TRIT1: variants seen among roughly 807,000 people sequenced by gnomAD.
The protein encoded by TRIT1 is tRNA isopentenyltransferase 1, also known as tRNA dimethylallyltransferase.
In TRIT1, 43 loss-of-function variants were observed where a neutral mutation model predicts 51.2. The observed-to-expected ratio is 0.84, with a 90% CI of 0.66 to 1.08. TRIT1 has a LOEUF of 1.08. Ranked by LOEUF, TRIT1 falls within the 50% of genes least tolerant of loss-of-function variation. TRIT1 has a pLI of 0.00. For missense variants in TRIT1, 528 were observed against 578.4 expected (o/e 0.91, Z 0.89); for synonymous variants, 184 against 203.9 (o/e 0.90, Z 0.83).
intron 1 of TRIT1, among the ~76,000 whole-genome samples, chr1:39,865,154 A>G (rs1643465496): frequency 1.3e-5 from 2 of 152,220 alleles, no homozygotes; most frequent in Non-Finnish European, 2.9e-5. Flanking sequence ...AGTAATGGAA[A>G]AAGCAACAAT....
At chr1:39,845,891 A>C (rs943566020) in intron 8 of TRIT1, among the ~76,000 whole-genome samples, 2 of 152,226 alleles carry the variant, frequency 1.3e-5, no homozygotes, top group African/African-American at 4.8e-5. Context: ...CGATGCCGGC[A>C]TACACACGAA....
At chr1:39,872,752 AACACACACACACACAC>A (rs61554657) in intron 1 of TRIT1, among the ~76,000 whole-genome samples, 1 of 134,988 alleles carries the variant, frequency 7.4e-6, no homozygotes, top group Non-Finnish European at 1.5e-5. Flanking sequence ...GGAAGTACTA[AACACACACACACACAC>A]ACACACACAC....
chr1:39,857,505 C>A, intron 1 of TRIT1, 88 bp from the exon 2 acceptor site: 1 of 1,478,274 alleles, frequency 6.8e-7, no homozygotes, highest in South Asian at 1.3e-5. Flanking sequence ...CTATTTCTCC[C>A]TCCTGCCAAA....
chr1:39,843,522 CCTT>C (rs1326459584), intron 10 of TRIT1, among the ~76,000 whole-genome samples: 1 of 152,122 alleles, frequency 6.6e-6, no homozygotes, highest in African/African-American at 2.4e-5. Context: ...GGGGAACTAA[CCTT>C]CTTTATACAT....
chr1:39,854,124 G>T, intron 2 of TRIT1, 56 bp from the exon 3 acceptor site: 2 of 1,293,306 alleles, frequency 1.5e-6, no homozygotes, highest in Non-Finnish European at 2.2e-6. Context: ...ACTTTGGAAG[G>T]ACACCATTAG....
chr1:39,882,195 A>G (rs1644286681), intron 1 of TRIT1, among the ~76,000 whole-genome samples: 1 of 152,246 alleles, frequency 6.6e-6, no homozygotes, highest in South Asian at 2.1e-4. Context: ...TTGTCTTCTG[A>G]AGCTGGCACA....
chr1:39,882,615 AC>A (rs1203434463), intron 1 of TRIT1, among the ~76,000 whole-genome samples: 1 of 152,200 alleles, frequency 6.6e-6, no homozygotes, highest in Non-Finnish European at 1.5e-5. Flanking sequence ...ATGATTTAAA[AC>A]CTCTACTTAA....
chr1:39,857,202 C>A, intron 2 of TRIT1, 75 bp downstream of exon 2: 1 of 1,500,924 alleles, frequency 6.7e-7, no homozygotes. Flanking sequence ...GAAATTGCCA[C>A]TAGAAAGAAA....
At chr1:39,870,529 A>AAAAAAAG (rs1643837588) in intron 1 of TRIT1, among the ~76,000 whole-genome samples, 2 of 151,012 alleles carry the variant, frequency 1.3e-5, no homozygotes, top group Admixed American at 6.6e-5. Flanking sequence ...AAAAAAAAAA[A>AAAAAAAG]AAAAAAGAAG....
chr1:39,849,748 G>A (rs1642451133), intron 5 of TRIT1, among the ~76,000 whole-genome samples: 1 of 152,204 alleles, frequency 6.6e-6, no homozygotes. Context: ...AGGCTAGCAA[G>A]CTAATTATAA....
chr1:39,876,333 A>G (rs1024199210), intron 1 of TRIT1, among the ~76,000 whole-genome samples: 4 of 152,264 alleles, frequency 2.6e-5, no homozygotes, highest in South Asian at 4.1e-4. Flanking sequence ...GTGCTCTCCT[A>G]TGGTTTCCTG....
chr1:39,852,904 T>G (rs1642668813), intron 3 of TRIT1, 28 bp from the exon 4 acceptor site: 1 of 1,612,274 alleles, frequency 6.2e-7, no homozygotes, highest in Middle Eastern at 1.7e-4. Context: ...AGAAGTATAT[T>G]TAATTCAACC....
chr1:39,845,851 G>A (rs1331146279), intron 8 of TRIT1, among the ~76,000 whole-genome samples: 2 of 152,178 alleles, frequency 1.3e-5, no homozygotes, highest in African/African-American at 4.8e-5. Context: ...GATTTACAGG[G>A]CAGCTGTGCC....
intron 6 of TRIT1, 98 bp from the exon 7 acceptor site, chr1:39,847,758 A>C (rs1557535810): frequency 6.3e-7 from 1 of 1,587,264 alleles, no homozygotes; most frequent in Non-Finnish European, 8.6e-7. Context: ...CTGTCAGATA[A>C]GGAAATTGAG....
Position 39,870,936 on chromosome 1 carries a change from G to GT in TRIT1, c.174+12381dup, listed in dbSNP as rs147871707. Among the ~76,000 whole-genome samples the GT allele has an allele frequency of 2.8e-3, 429 of 152,320 alleles. 17 individuals are homozygous for GT. Among genetic ancestry groups the GT allele is most frequent in the Admixed American group, 0.019 (293 of 15,296 alleles). ...ACACCAGGCGCGGTAGCTCACGCCT[G>GT]TAATCCCAGCACTTTAGGAGGCTGA... On this transcript the variant is annotated intron_variant, in intron 1 of 10. Coordinates refer to ENST00000316891, the MANE Select transcript of TRIT1 (RefSeq NM_017646.6).
Position 39,839,730 on chromosome 1 carries a change from T to C in TRIT1, c.*2014A>G, listed in dbSNP as rs1652493096. On this transcript the variant is annotated 3_prime_UTR_variant, in exon 11 of 11. Coordinates refer to ENST00000316891, the MANE Select transcript of TRIT1 (RefSeq NM_017646.6). ...AAGTGCTTCATAAATATTAGACACT[T>C]TTTTTTTGGTAAAAAAGGCCTGATT... is the stretch of plus-strand genomic sequence containing the variant. Among the ~76,000 whole-genome samples, 1 of 151,950 alleles carries C rather than the reference T, an allele frequency of 6.6e-6. No homozygotes were observed. The highest frequency in any genetic ancestry group is 2.4e-5 in the African/African-American group (1 of 41,384).
At chr1:39,868,953 G>A (rs1473095972) in intron 1 of TRIT1, among the ~76,000 whole-genome samples, 1 of 151,030 alleles carries the variant, frequency 6.6e-6, no homozygotes, top group Non-Finnish European at 1.5e-5. Flanking sequence ...CCAGCTAGTC[G>A]GGAGGCTGAG....
chr1:39,854,905 G>A (rs969676649), intron 2 of TRIT1, among the ~76,000 whole-genome samples: 1 of 151,834 alleles, frequency 6.6e-6, no homozygotes, highest in African/African-American at 2.4e-5. Context: ...GTAGTGGCGC[G>A]AAAACAGTTC....
chr1:39,867,398 G>A (rs1643615101), intron 1 of TRIT1, among the ~76,000 whole-genome samples: 1 of 152,172 alleles, frequency 6.6e-6, no homozygotes. Flanking sequence ...GCCCGCCTTG[G>A]CTTCCCAAAG....
Sources: gnomAD v4.1 joint callset for allele counts (sites outside exome capture counted in the v4.1 genomes callset) on GRCh38, gnomAD v4.1.1 for gene constraint, MANE v1.5 for transcripts, NCBI Gene and HGNC (gene_info 2026-07-23, HGNC 2026-07-21) for gene names.